PCDHA12: variants seen among roughly 807,000 people sequenced by gnomAD.
PCDHA12 encodes the protein protocadherin alpha 12.
A neutral mutation model predicts 60.0 loss-of-function variants in PCDHA12; 44 were observed. The ratio of observed to expected loss-of-function variants is 0.73; its 90% confidence interval spans 0.58 to 0.94. The LOEUF (loss-of-function observed/expected upper bound fraction) is 0.94. Ranked by LOEUF, PCDHA12 falls within the 40% of genes least tolerant of loss-of-function variation. The pLI is 0.00. For missense variants in PCDHA12, 1,276 were observed against 1,239.7 expected, an observed-to-expected ratio of 1.03 and a Z score of -0.44; for synonymous variants, 569 against 553.0, an observed-to-expected ratio of 1.03 and a Z score of -0.40.
intron 1 of PCDHA12, chr5:140,928,948 A>G: frequency 1.2e-6 from 2 of 1,614,032 alleles, no homozygotes; most frequent in Non-Finnish European, 1.7e-6. Flanking sequence ...GTATTTAGTA[A>G]TTGCCTTGGC....
In PCDHA12 at chr5:140,911,678, G is replaced by A. The variant is rs551063911; in HGVS notation, c.2367+33839G>A. ...CTAAACTCCTTGCCTCTCACGAACCGTGCATCAGGAGTGTCAAATGAATTT... is the reference window on the plus strand; with the variant it reads ...CTAAACTCCTTGCCTCTCACGAACCATGCATCAGGAGTGTCAAATGAATTT... On this transcript the variant is annotated intron_variant, in intron 1 of 3. Coordinates refer to ENST00000398631, the MANE Select transcript of PCDHA12 (RefSeq NM_018903.4). Among the ~76,000 whole-genome samples the A allele has an allele frequency of 7.9e-5, 12 of 152,234 alleles. No homozygotes were observed. The South Asian group carries it at 1.2e-3, about 16-fold the overall frequency.
At chr5:140,979,817 A>G (rs1228260788) in intron 2 of PCDHA12, among the ~76,000 whole-genome samples, 1 of 152,262 alleles carries the variant, frequency 6.6e-6, no homozygotes, top group Non-Finnish European at 1.5e-5. Flanking sequence ...AAAAGGATTT[A>G]ATTTTAAAGA....
At chr5:140,914,670 C>T (rs554633450) in intron 1 of PCDHA12, among the ~76,000 whole-genome samples, 85 of 152,088 alleles carry the variant, frequency 5.6e-4, no homozygotes, top group African/African-American at 2.0e-3. Context: ...TCTTCTTTTT[C>T]ATGAAAATAA....
Position 140,877,710 on chromosome 5 carries a change from G to T in PCDHA12, c.2238G>T (p.Gly746=). The T allele has an allele frequency of 6.2e-7, 1 of 1,614,098 alleles. No homozygotes were observed. The highest frequency in any genetic ancestry group is 8.5e-7 in the Non-Finnish European group (1 of 1,180,016). The change falls in exon 1 of 4, where the codon GGG becomes GGT. Residue 746 remains glycine (G), a synonymous_variant. Coordinates refer to ENST00000398631, the MANE Select transcript of PCDHA12 (RefSeq NM_018903.4). The part of the protein sequence containing the change: ...KPTLVCSSAV[G]SWSYSQQRRQ... ...CGCTGGTGTGCTCCAGCGCCGTGGG[G>T]AGTTGGTCTTACTCGCAGCAGAGGA... is the stretch of plus-strand genomic sequence containing the variant.
At chr5:140,903,183 T>A (rs1392196705) in intron 1 of PCDHA12, among the ~76,000 whole-genome samples, 3 of 152,194 alleles carry the variant, frequency 2.0e-5, no homozygotes, top group Admixed American at 2.0e-4. Flanking sequence ...CCACCAATAG[T>A]ATAAAAGAGT....
In PCDHA12 at chr5:141,010,555, C is replaced by CTG; in HGVS notation, c.*618_*619insTG. 2 of 321,156 alleles carry CTG rather than the reference C, an allele frequency of 6.2e-6. No homozygotes were observed. The highest frequency in any genetic ancestry group is 1.1e-4 in the South Asian group (2 of 18,704). 19.9% of individuals were successfully genotyped at this position (321,156 alleles called of 1,614,324 possible). On this transcript the variant is annotated 3_prime_UTR_variant, in exon 4 of 4. Coordinates refer to ENST00000398631, the MANE Select transcript of PCDHA12 (RefSeq NM_018903.4). ...ACCCTCTAGGAGACAAAACTACCCCCACTGACAAGGCTTTAGGAGACCCTA... is the reference window on the plus strand; with the variant it reads ...ACCCTCTAGGAGACAAAACTACCCCCTGACTGACAAGGCTTTAGGAGACCCTA...
At chr5:140,924,477 T>C (rs1378646713) in intron 1 of PCDHA12, among the ~76,000 whole-genome samples, 1 of 152,230 alleles carries the variant, frequency 6.6e-6, no homozygotes, top group Admixed American at 6.5e-5. Context: ...AACTGGTTTT[T>C]AGTGGAACAC....
intron 1 of PCDHA12, chr5:140,966,548 A>G (rs2096020413): frequency 2.1e-6 from 1 of 465,426 alleles, no homozygotes; most frequent in Admixed American, 4.3e-5. Flanking sequence ...CTCGGAGGCG[A>G]GCGGAGGAGC....
intron 3 of PCDHA12, among the ~76,000 whole-genome samples, chr5:140,998,139 G>C (rs1354714500): frequency 2.0e-5 from 3 of 152,176 alleles, no homozygotes; most frequent in Non-Finnish European, 4.4e-5. Flanking sequence ...TAGCTAACCT[G>C]TACTGAACAG....
intron 1 of PCDHA12, among the ~76,000 whole-genome samples, chr5:140,894,192 T>C (rs1554185971): frequency 4.6e-5 from 7 of 152,168 alleles, no homozygotes; most frequent in Non-Finnish European, 1.5e-5. Flanking sequence ...TTATATATTT[T>C]TTCTATGCTA....
chr5:140,910,324 T>C (rs2074979860), intron 1 of PCDHA12, among the ~76,000 whole-genome samples: 3 of 152,220 alleles, frequency 2.0e-5, no homozygotes, highest in Non-Finnish European at 4.4e-5. Flanking sequence ...AGTCAGACTA[T>C]TGTGATTGCT....
chr5:140,946,997 C>A (rs2094069050), intron 1 of PCDHA12, among the ~76,000 whole-genome samples: 1 of 151,382 alleles, frequency 6.6e-6, no homozygotes. Context: ...GTTCTAACTT[C>A]AAAGAAATGA....
chr5:140,978,915 A>T, intron 1 of PCDHA12, 34 bp from the exon 2 acceptor site: 3 of 1,613,970 alleles, frequency 1.9e-6, no homozygotes, highest in Non-Finnish European at 2.5e-6. Flanking sequence ...TTGTCTTGTC[A>T]TTTTAACAGA....
In PCDHA12 at chr5:140,875,735, C is replaced by T; in HGVS notation, c.263C>T (p.Ser88Phe). 6.2e-7 allele frequency: 1 copy of T among 1,614,232 alleles called. No individual in the cohort carries two copies. Residue 88 changes from serine (S) to phenylalanine (F), a missense_variant, in exon 1 of 4, where the codon TCT becomes TTT. By Grantham distance (155) the Ser-to-Phe change is radical. Coordinates refer to ENST00000398631, the MANE Select transcript of PCDHA12 (RefSeq NM_018903.4). ...NLQNGILFVN[S>F]RIDREKLCGR... is the part of the protein sequence containing the mutation. ...CAGAATGGCATTTTGTTTGTGAATT[C>T]TCGGATCGACCGCGAGAAGCTGTGC... is the stretch of plus-strand genomic sequence containing the variant.
intron 1 of PCDHA12, among the ~76,000 whole-genome samples, chr5:140,975,074 G>C (rs2096653166): frequency 1.3e-5 from 2 of 152,152 alleles, no homozygotes; most frequent in South Asian, 4.1e-4. Flanking sequence ...CATTCAGATT[G>C]TTGGCAGAAT....
intron 1 of PCDHA12, among the ~76,000 whole-genome samples, chr5:140,922,214 C>T (rs1554200731): frequency 1.3e-5 from 2 of 152,004 alleles, no homozygotes; most frequent in African/African-American, 4.8e-5. Context: ...CTTTGTAAAA[C>T]ATTTGAACCT....
chr5:140,977,665 A>G (rs1554238741), intron 1 of PCDHA12, among the ~76,000 whole-genome samples: 1 of 152,202 alleles, frequency 6.6e-6, no homozygotes, highest in Non-Finnish European at 1.5e-5. Flanking sequence ...AATTCTCTGC[A>G]TGCCAAATAT....
At chr5:140,942,541 G>C (rs1241528363) in intron 1 of PCDHA12, among the ~76,000 whole-genome samples, 1 of 152,056 alleles carries the variant, frequency 6.6e-6, no homozygotes, top group African/African-American at 2.4e-5. Context: ...CAGTATGGTG[G>C]GGGGTAGGGG....
chr5:140,929,992 C>T (rs1015837723), intron 1 of PCDHA12: 7 of 152,300 alleles, frequency 4.6e-5, no homozygotes, highest in East Asian at 1.9e-4. Flanking sequence ...TTGGGAATGA[C>T]ACCCTAAAAC....
Sources: allele counts gnomAD v4.1 joint callset (sites outside exome capture counted in the v4.1 genomes callset), GRCh38; gene constraint gnomAD v4.1.1; transcripts MANE v1.5; gene names NCBI Gene and HGNC (gene_info 2026-07-23, HGNC 2026-07-21).